PDGFRA: variants seen among roughly 807,000 people sequenced by gnomAD.
The protein encoded by PDGFRA is platelet derived growth factor receptor alpha, also known as platelet-derived growth factor receptor alpha.
PDGFRA carries 25 observed loss-of-function variants against 121.5 expected under a neutral mutation model. The ratio of observed to expected loss-of-function variants is 0.21; its 90% CI spans 0.15 to 0.29. PDGFRA has a LOEUF of 0.29. Ranked by LOEUF, PDGFRA falls within the 10% of genes least tolerant of loss-of-function variation. The pLI, the probability that PDGFRA is intolerant of heterozygous loss-of-function variation, is 1.00. For synonymous variants in PDGFRA, 463 were observed against 494.8 expected, an observed-to-expected ratio of 0.94 and a Z score of 0.85; for missense variants, 1,008 against 1,345.1, an observed-to-expected ratio of 0.75 and a Z score of 3.92.
intron 8 of PDGFRA, 28 bp downstream of exon 8, chr4:54,270,776 C>G (rs1337656338): frequency 8.1e-7 from 1 of 1,235,456 alleles, no homozygotes; most frequent in Non-Finnish European, 1.2e-6. Context: ...AAAGATAATG[C>G]TAGCTCTGTA....
intron 22 of PDGFRA, among the ~76,000 whole-genome samples, chr4:54,293,496 T>A (rs1724733154): frequency 6.7e-6 from 1 of 148,504 alleles, no homozygotes; most frequent in African/African-American, 2.5e-5. Context: ...AGTGGTGTGA[T>A]CTCAGCTTAC....
In PDGFRA at chr4:54,279,720, C is replaced by G. The variant is rs139322184; in HGVS notation, c.2157-596C>G. Among the ~76,000 whole-genome samples the G allele has an allele frequency of 5.1e-3, 769 of 152,106 alleles. 7 individuals are homozygous for G. The highest frequency in any genetic ancestry group is 0.017 in the African/African-American group (693 of 41,510). ...CCTCACCTGCCTCTCAATTTTTCCC[C>G]GAGTCCCCAAGTCCATTGTGTCATT... On this transcript the variant is annotated intron_variant, in intron 15 of 22. Coordinates refer to ENST00000257290, the MANE Select transcript of PDGFRA (RefSeq NM_006206.6).
At chr4:54,278,253 A>ATG (rs1560483533) in intron 14 of PDGFRA, 109 bp from the exon 15 acceptor site, 10 of 702,138 alleles carry the variant, frequency 1.4e-5, no homozygotes, top group Admixed American at 2.6e-5. Flanking sequence ...AAAAAAAAAA[A>ATG]CTTTTTTGGT....
At chr4:54,266,385 ATTTC>A (rs1285536328) in intron 5 of PDGFRA, among the ~76,000 whole-genome samples, 1 of 148,522 alleles carries the variant, frequency 6.7e-6, no homozygotes, top group Non-Finnish European at 1.5e-5. Context: ...TTTCATTTGT[ATTTC>A]TTTCTTTTTT....
rs1290945901 is a variant in PDGFRA at position 54,270,765 on chromosome 4, T to C, written c.1237+17T>C. The C allele has an allele frequency of 1.5e-6, 2 of 1,313,282 alleles. No homozygotes were observed. The highest frequency in any genetic ancestry group is 1.1e-6 in the Non-Finnish European group (1 of 905,586). The allele number at this position is 1,313,282 out of a possible 1,614,324, so 81.4% of individuals were successfully genotyped here. A position where few individuals can be genotyped will look rare whatever the true frequency, so the allele number is the denominator to read the frequency against. On this transcript the variant is annotated intron_variant, in intron 8 of 22. Transcript: ENST00000257290. ...TAACTCAAGGTATGTAAAGGGAGTATAAAGATAATGCTAGCTCTGTAGATG... is the reference window on the plus strand; with the variant it reads ...TAACTCAAGGTATGTAAAGGGAGTACAAAGATAATGCTAGCTCTGTAGATG...
At chr4:54,291,527 A>AG (rs1724631117) in intron 22 of PDGFRA, among the ~76,000 whole-genome samples, 1 of 151,908 alleles carries the variant, frequency 6.6e-6, no homozygotes, top group Non-Finnish European at 1.5e-5. Context: ...ATATGAAAAA[A>AG]TGCTCAACAT....
intron 18 of PDGFRA, 54 bp from the exon 19 acceptor site, chr4:54,287,376 T>A: frequency 1.3e-6 from 1 of 797,970 alleles, no homozygotes; most frequent in East Asian, 2.4e-5. Context: ...TTTCCACTGC[T>A]GTGGATCATC....
rs775384567 is a variant in PDGFRA at position 54,296,292 on chromosome 4, G to C, written c.*1020G>C. On this transcript the variant is annotated 3_prime_UTR_variant, in exon 23 of 23. Transcript: ENST00000257290. ...GTTCTCAATGTAGAGGCATAAACCTGTGCTGAACATAACTTCTCATGTATA... is the reference window on the plus strand; with the variant it reads ...GTTCTCAATGTAGAGGCATAAACCTCTGCTGAACATAACTTCTCATGTATA... 1 of 232,214 alleles carries C rather than the reference G, an allele frequency of 4.3e-6. No individual in the cohort carries two copies. Among genetic ancestry groups the C allele is most frequent in the Non-Finnish European group, 8.5e-6 (1 of 117,792 alleles). The allele number at this position is 232,214 out of a possible 1,614,324, so 14.4% of individuals were successfully genotyped here. A position where few individuals can be genotyped will look rare whatever the true frequency, so the allele number is the denominator to read the frequency against.
intron 1 of PDGFRA, among the ~76,000 whole-genome samples, chr4:54,232,459 C>A (rs559251438): frequency 3.3e-5 from 5 of 152,238 alleles, no homozygotes; most frequent in Non-Finnish European, 4.4e-5. Flanking sequence ...TGGGGCGCCT[C>A]CTTCCCTGCC....
chr4:54,277,069 G>A, intron 12 of PDGFRA: 8 of 409,208 alleles, frequency 2.0e-5, no homozygotes, highest in Non-Finnish European at 2.7e-5. Flanking sequence ...TGAGAGCCCC[G>A]AAGGCAAGAG....
chr4:54,293,540 C>T (rs913320409), intron 22 of PDGFRA, among the ~76,000 whole-genome samples: 1 of 149,750 alleles, frequency 6.7e-6, no homozygotes, highest in Non-Finnish European at 1.5e-5. Flanking sequence ...AAGCCATTCT[C>T]ATACCTCCGC....
At chr4:54,249,617 A>G (rs895310461) in intron 1 of PDGFRA, among the ~76,000 whole-genome samples, 1 of 151,908 alleles carries the variant, frequency 6.6e-6, no homozygotes, top group African/African-American at 2.4e-5. Flanking sequence ...GGGGAACATC[A>G]CACTCTGGGG....
intron 22 of PDGFRA, among the ~76,000 whole-genome samples, chr4:54,292,831 G>A (rs1039550603): frequency 1.3e-5 from 2 of 152,074 alleles, no homozygotes; most frequent in African/African-American, 4.8e-5. Context: ...AAAACTACGA[G>A]AACACATGGA....
In PDGFRA at chr4:54,277,960, G is replaced by A. The variant is rs2110311662; in HGVS notation, c.1956G>A (p.Gly652=). The A allele has an allele frequency of 6.2e-7, 1 of 1,613,910 alleles. No individual in the cohort carries two copies. Among genetic ancestry groups the A allele is most frequent in the Non-Finnish European group, 8.5e-7 (1 of 1,179,808 alleles). ...AACTGAAGATAATGACTCACCTGGG[G>A]CCACATTTGAACATTGTAAACTTGC... ...MSELKIMTHL[G]PHLNIVNLLG... is the part of the protein sequence containing the mutation. The change falls in exon 14 of 23, where the codon GGG becomes GGA. Residue 652 remains glycine (G), a synonymous_variant. Transcript: ENST00000257290.
At chr4:54,281,129 C>T (rs1191448983) in intron 16 of PDGFRA, among the ~76,000 whole-genome samples, 1 of 152,124 alleles carries the variant, frequency 6.6e-6, no homozygotes, top group Admixed American at 6.6e-5. Context: ...TTTATAAACT[C>T]CAGGGAGTCC....
At chr4:54,265,155 T>G in intron 5 of PDGFRA, 106 bp downstream of exon 5, 3 of 1,093,694 alleles carry the variant, frequency 2.7e-6, no homozygotes, top group Non-Finnish European at 4.2e-6. Flanking sequence ...TGAGTTTCTC[T>G]AGACCTTAGC....
At chr4:54,283,391 A>G (rs184645215) in intron 16 of PDGFRA, among the ~76,000 whole-genome samples, 19 of 152,206 alleles carry the variant, frequency 1.2e-4, no homozygotes, top group African/African-American at 4.6e-4. Context: ...TGGCTGTCAC[A>G]AGCTGAAGCA....
intron 1 of PDGFRA, among the ~76,000 whole-genome samples, chr4:54,231,226 T>C (rs1008392125): frequency 6.6e-6 from 1 of 152,200 alleles, no homozygotes; most frequent in African/African-American, 2.4e-5. Flanking sequence ...GAGGCAAGCA[T>C]GGATGGGGCC....
chr4:54,240,070 C>T, intron 1 of PDGFRA: 1 of 416,742 alleles, frequency 2.4e-6, no homozygotes, highest in Non-Finnish European at 4.9e-6. Context: ...CTAGACTGGT[C>T]TTGAACTCCT....
Sources: gnomAD v4.1 joint callset for allele counts (sites outside exome capture counted in the v4.1 genomes callset) on GRCh38, gnomAD v4.1.1 for gene constraint, MANE v1.5 for transcripts, NCBI Gene and HGNC (gene_info 2026-07-23, HGNC 2026-07-21) for gene names.